IL27: variants seen among roughly 807,000 people sequenced by gnomAD.
The protein encoded by IL27 is interleukin 27.
In IL27, 11 loss-of-function variants were observed where a neutral mutation model predicts 27.0. The ratio of observed to expected loss-of-function variants is 0.41; its 90% CI spans 0.26 to 0.67. The LOEUF (loss-of-function observed/expected upper bound fraction) is 0.67. IL27 is among the 30% of genes least tolerant of loss of function. IL27 has a pLI of 0.34. For missense variants in IL27, 299 were observed against 310.4 expected (o/e 0.96, Z 0.28); for synonymous variants, 134 against 140.6 (o/e 0.95, Z 0.33).
intron 3 of IL27, 66 bp from the exon 4 acceptor site, chr16:28,502,200 C>T: frequency 6.9e-7 from 1 of 1,449,372 alleles, no homozygotes; most frequent in Non-Finnish European, 9.3e-7. Context: ...CACCCACCCC[C>T]TCCCTATCCG....
At chr16:28,500,009 T>A in intron 4 of IL27, 89 bp from the exon 5 acceptor site, 2 of 1,427,496 alleles carry the variant, frequency 1.4e-6, no homozygotes, top group Non-Finnish European at 1.8e-6. Flanking sequence ...CGGTTCCCAA[T>A]GACATCAGTG....
At chr16:28,501,756 G>C (rs1205644825) in intron 4 of IL27, among the ~76,000 whole-genome samples, 3 of 145,424 alleles carry the variant, frequency 2.1e-5, no homozygotes, top group East Asian at 2.0e-4. Flanking sequence ...CACTCTCACA[G>C]TCACACTGTC....
intron 3 of IL27, 147 bp downstream of exon 3, chr16:28,503,548 T>C (rs1596577110): frequency 4.7e-6 from 3 of 637,378 alleles, no homozygotes; most frequent in East Asian, 2.9e-5. Context: ...TCACCATGCC[T>C]GTCTTTCATC....
chr16:28,506,714 A>G, intron 1 of IL27, 67 bp downstream of exon 1: 1 of 1,519,924 alleles, frequency 6.6e-7, no homozygotes, highest in Non-Finnish European at 9.0e-7. Context: ...CCCCATCTGC[A>G]CCAGCCAAGC....
At position 28,503,952 on chromosome 16, in the gene IL27, G is replaced by A. The variant is rs747064370; in HGVS notation, c.130C>T (p.Arg44Trp). The A allele has an allele frequency of 1.2e-6, 2 of 1,614,152 alleles. No individual in the cohort carries two copies. Among genetic ancestry groups the A allele is most frequent in the East Asian group, 2.2e-5 (1 of 44,880 alleles). ...TGCAGGCTGACTGTGAACTCCCTCC[G>A]CAGCTCCTGCAGGCTCAGCTGGGGC... ...GRPQLSLQEL[R>W]REFTVSLHLA... The change falls in exon 2 of 5, where the codon CGG (arginine) becomes TGG (tryptophan). Residue 44 changes from arginine (R) to tryptophan (W), a missense_variant. Arg to Trp is a moderately radical substitution (Grantham distance 101). Transcript: ENST00000356897.
At chr16:28,504,130 A>G (rs1834930562) in intron 1 of IL27, 80 bp from the exon 2 acceptor site, 1 of 1,410,046 alleles carries the variant, frequency 7.1e-7, no homozygotes, top group Non-Finnish European at 9.6e-7. Context: ...AGCCTGTGCT[A>G]GCTGTGAGCA....
At chr16:28,501,167 C>A (rs531279285) in intron 4 of IL27, among the ~76,000 whole-genome samples, 37 of 151,520 alleles carry the variant, frequency 2.4e-4, no homozygotes, top group Non-Finnish European at 2.9e-4. Flanking sequence ...CCAGCCTGGG[C>A]GACAGAGTGA....
At chr16:28,501,886 C>CA in intron 4 of IL27, 90 bp downstream of exon 4, 1 of 1,439,634 alleles carries the variant, frequency 6.9e-7, no homozygotes, top group Non-Finnish European at 9.5e-7. Context: ...CTCTCACACT[C>CA]ACACACACTC....
Position 28,499,370 on chromosome 16 carries a change from A to G in IL27, c.*281T>C, listed in dbSNP as rs959377941. 1 of 399,866 alleles carries G rather than the reference A, an allele frequency of 2.5e-6. No homozygotes were observed. Among genetic ancestry groups the G allele is most frequent in the Non-Finnish European group, 4.6e-6 (1 of 219,646 alleles). The allele number at this position is 399,866 out of a possible 1,614,324, so 24.8% of individuals were successfully genotyped here. ...GAAGCGGAGGCCAGGGGTGGATGAG[A>G]GTGCTTTATTGGGCACCCAGCATGG... On this transcript the variant is annotated 3_prime_UTR_variant, in exon 5 of 5. Coordinates refer to ENST00000356897, the MANE Select transcript of IL27 (RefSeq NM_145659.3).
At chr16:28,501,947 T>G (rs554297226) in intron 4 of IL27, 29 bp downstream of exon 4, 1 of 1,591,730 alleles carries the variant, frequency 6.3e-7, no homozygotes, top group Non-Finnish European at 8.5e-7. Context: ...CCACGTGGTC[T>G]GGGGTGGTGG....
At position 28,506,796 on chromosome 16, in the gene IL27, C is replaced by T; in HGVS notation, c.16G>A (p.Gly6Ser). MGQTA[G>S]DLGWRLSLLL... ...TCAAACTCACGCCAGCCAAGGTCGCCTGCCGTCTGGCCCATGGCGGGGCCC... is the reference window on the plus strand; with the variant it reads ...TCAAACTCACGCCAGCCAAGGTCGCTTGCCGTCTGGCCCATGGCGGGGCCC... The change falls in exon 1 of 5, where the codon GGC becomes AGC. Residue 6 changes from glycine (G) to serine (S), a missense_variant. Coordinates refer to ENST00000356897, the MANE Select transcript of IL27 (RefSeq NM_145659.3). 2 of 1,612,438 alleles carry T rather than the reference C, an allele frequency of 1.2e-6. No homozygotes were observed. The highest frequency in any genetic ancestry group is 1.1e-5 in the South Asian group (1 of 90,770).
At chr16:28,501,598 C>T (rs1213146514) in intron 4 of IL27, among the ~76,000 whole-genome samples, 7 of 150,544 alleles carry the variant, frequency 4.6e-5, no homozygotes, top group African/African-American at 1.7e-4. Context: ...CACACTCTCA[C>T]AGTCAGGTAC....
chr16:28,505,812 T>G (rs1188902655), intron 1 of IL27, among the ~76,000 whole-genome samples: 2 of 152,170 alleles, frequency 1.3e-5, no homozygotes, highest in African/African-American at 4.8e-5. Flanking sequence ...CTGCTCTCCC[T>G]TCTCTCCCTG....
chr16:28,505,510 G>A (rs1458125785), intron 1 of IL27, among the ~76,000 whole-genome samples: 1 of 152,110 alleles, frequency 6.6e-6, no homozygotes, highest in African/African-American at 2.4e-5. Context: ...GTAGAGAGGG[G>A]TTTTGCCGTG....
rs140507311 is a variant in IL27 at position 28,501,018 on chromosome 16, T to C, written c.462+958A>G. 5.8e-3 allele frequency among the ~76,000 whole-genome samples: 887 copies of C among 151,738 alleles called. 12 individuals carry two copies. Among genetic ancestry groups the C allele is most frequent in the African/African-American group, 0.02 (830 of 41,392 alleles). ...TCTGAGACCAGCCTGGCCAACATGG[T>C]GAAACTAAAAATACAAAAAAATTAG... is the stretch of plus-strand genomic sequence containing the variant. On this transcript the variant is annotated intron_variant, in intron 4 of 4. Coordinates refer to ENST00000356897, the MANE Select transcript of IL27 (RefSeq NM_145659.3).
Position 28,503,988 on chromosome 16 carries a change from G to C in IL27, c.94C>G (p.Pro32Ala), listed in dbSNP as rs751164360. 1.2e-6 allele frequency: 2 copies of C among 1,613,918 alleles called. No homozygotes were observed. Among genetic ancestry groups the C allele is most frequent in the Non-Finnish European group, 8.5e-7 (1 of 1,179,856 alleles). Residue 32 changes from proline to alanine, a missense_variant, in exon 2 of 5, where the codon CCC (proline) becomes GCC (alanine). Pro to Ala is a conservative substitution (Grantham distance 27). Coordinates refer to ENST00000356897, the MANE Select transcript of IL27 (RefSeq NM_145659.3). ...VQAGVWGFPR[P>A]PGRPQLSLQE... is the part of the protein sequence containing the mutation. The stretch of plus-strand genomic sequence containing the variant: ...AGGCTCAGCTGGGGCCTCCCTGGGG[G>C]CCTTGGGAATCCCCAGACACCAGCT...
intron 1 of IL27, 30 bp from the exon 2 acceptor site, chr16:28,504,080 A>G (rs1596577365): frequency 3.8e-6 from 6 of 1,560,660 alleles, no homozygotes; most frequent in Non-Finnish European, 5.2e-6. Flanking sequence ...GTGGCAAGAC[A>G]GGGAGAGAGC....
chr16:28,502,759 G>A (rs576085752), intron 3 of IL27, among the ~76,000 whole-genome samples: 5 of 152,046 alleles, frequency 3.3e-5, no homozygotes, highest in Admixed American at 1.3e-4. Flanking sequence ...CATGCCTGCC[G>A]CGTTCCATGC....
At position 28,499,807 on chromosome 16, in the gene IL27, C is replaced by T. The variant is rs570953144; in HGVS notation, c.576G>A (p.Pro192=). 3.0e-5 allele frequency: 48 copies of T among 1,603,216 alleles called. No homozygotes were observed. Among genetic ancestry groups the T allele is most frequent in the Admixed American group, 1.7e-4 (10 of 58,374 alleles). The change falls in exon 5 of 5, where the codon CCG becomes CCA. Residue 192 remains proline (P), a synonymous_variant. Coordinates refer to ENST00000356897, the MANE Select transcript of IL27 (RefSeq NM_145659.3). The stretch of plus-strand genomic sequence containing the variant: ...GGAGCTGGGGCCAGGACACCTGGGC[C>T]GGGCCCTGTAAGGCGCTGCCCAGTG... ...PGALGSALQG[P]AQVSWPQLLS...
Sources: allele counts gnomAD v4.1 joint callset (sites outside exome capture counted in the v4.1 genomes callset), GRCh38; gene constraint gnomAD v4.1.1; transcripts MANE v1.5; gene names NCBI Gene and HGNC (gene_info 2026-07-23, HGNC 2026-07-21).